Variants in ALPK1 observed in about 807,000 individuals in gnomAD.
The protein encoded by ALPK1 is alpha kinase 1, also known as alpha-protein kinase 1.
In ALPK1, 110 loss-of-function variants were observed where a neutral mutation model predicts 120.6. That is an observed-to-expected ratio of 0.91 (90% CI 0.78 to 1.07). The LOEUF is 1.07. ALPK1 is among the 50% of genes least tolerant of loss of function. The pLI is 0.00. For missense variants in ALPK1, 1,498 were observed against 1,483.9 expected (o/e 1.01, Z -0.16); for synonymous variants, 582 against 560.3 (o/e 1.04, Z -0.55).
rs1734613342 is a variant in ALPK1 at position 112,432,497 on chromosome 4, T to C, written c.2950T>C (p.Leu984=). 1 of 1,614,044 alleles carries C rather than the reference T, an allele frequency of 6.2e-7. No individual in the cohort carries two copies. Among genetic ancestry groups the C allele is most frequent in the Admixed American group, 1.7e-5 (1 of 60,000 alleles). The change falls in exon 11 of 16, where the codon TTG becomes CTG. Residue 984 remains leucine (L), a synonymous_variant. Coordinates refer to ENST00000650871, the MANE Select transcript of ALPK1 (RefSeq NM_025144.4). ...GCAACCTGATGACTTTGAAAAGCTG[T>C]TGGCAGGAGTGAGGCATGATTGGCT... ...TLQPDDFEKL[L]AGVRHDWLFQ...
intron 2 of ALPK1, among the ~76,000 whole-genome samples, chr4:112,377,225 A>G (rs1010386853): frequency 6.6e-6 from 1 of 152,156 alleles, no homozygotes; most frequent in East Asian, 1.9e-4. Context: ...TATCATGCTA[A>G]ATATTATGAA....
chr4:112,438,405 C>T (rs527461889), intron 12 of ALPK1, 79 bp from the exon 13 acceptor site: 1 of 1,354,244 alleles, frequency 7.4e-7, no homozygotes, highest in African/African-American at 1.5e-5. Context: ...CTGCATATGT[C>T]TTTTGATCTC....
intron 2 of ALPK1, among the ~76,000 whole-genome samples, chr4:112,329,828 G>T (rs1465789254): frequency 1.3e-5 from 2 of 152,294 alleles, no homozygotes; most frequent in East Asian, 3.9e-4. Context: ...GGTGGGAGGG[G>T]TATAGGCCTG....
intron 4 of ALPK1, 170 bp downstream of exon 4, chr4:112,382,722 T>C: frequency 1.1e-6 from 1 of 945,988 alleles, no homozygotes; most frequent in South Asian, 1.7e-5. Context: ...AAAACATTAC[T>C]TGCCCATAAG....
chr4:112,376,684 A>C (rs376644643), intron 2 of ALPK1, among the ~76,000 whole-genome samples: 46 of 152,344 alleles, frequency 3.0e-4, no homozygotes, highest in African/African-American at 1.1e-3. Context: ...TGGTTACTTC[A>C]TTGCATGCAT....
intron 2 of ALPK1, among the ~76,000 whole-genome samples, chr4:112,366,002 A>G (rs2148719796): frequency 6.6e-6 from 1 of 152,370 alleles, no homozygotes; most frequent in East Asian, 1.9e-4. Flanking sequence ...TTGGCAAGCC[A>G]TATGTAGAAG....
rs114991598 is a variant in ALPK1, at chr4:112,408,276, G to A, written c.277-3551G>A. ...CTTTCTAAGCAAAAGTAGAAGGAAG[G>A]CTGTCAGTGGCAGAAACTTCAAGTA... On this transcript the variant is annotated intron_variant, in intron 4 of 15. Transcript: ENST00000650871. 6.7e-3 allele frequency among the ~76,000 whole-genome samples: 1,017 copies of A among 152,270 alleles called. 13 individuals carry two copies. The highest frequency in any genetic ancestry group is 0.023 in the African/African-American group (973 of 41,556).
chr4:112,347,442 A>C (rs1200469711), intron 2 of ALPK1, among the ~76,000 whole-genome samples: 1 of 152,218 alleles, frequency 6.6e-6, no homozygotes, highest in Admixed American at 6.5e-5. Context: ...AACCCGATTC[A>C]ATTTTCTTTG....
chr4:112,363,101 A>G (rs1352050857), intron 2 of ALPK1, among the ~76,000 whole-genome samples: 2 of 152,232 alleles, frequency 1.3e-5, no homozygotes, highest in Non-Finnish European at 2.9e-5. Context: ...AAATCTTGAA[A>G]CAAATCATTG....
intron 12 of ALPK1, among the ~76,000 whole-genome samples, chr4:112,437,714 A>G (rs1196794652): frequency 6.6e-6 from 1 of 152,150 alleles, no homozygotes; most frequent in Non-Finnish European, 1.5e-5. Flanking sequence ...GGCCAAAACC[A>G]CAGCCTCCTT....
chr4:112,428,609 T>G (rs1270809190), intron 9 of ALPK1, among the ~76,000 whole-genome samples: 1 of 152,160 alleles, frequency 6.6e-6, no homozygotes, highest in Non-Finnish European at 1.5e-5. Context: ...CCCTTCTCCA[T>G]TTATTGTCTC....
At chr4:112,309,897 C>A (rs892250326) in intron 1 of ALPK1, among the ~76,000 whole-genome samples, 1 of 152,068 alleles carries the variant, frequency 6.6e-6, no homozygotes, top group Non-Finnish European at 1.5e-5. Context: ...AAGTCAGTGG[C>A]CACTTTGTCC....
intron 2 of ALPK1, among the ~76,000 whole-genome samples, 153 bp from the exon 3 acceptor site, chr4:112,377,525 G>A (rs1028599918): frequency 6.6e-6 from 1 of 152,138 alleles, no homozygotes; most frequent in South Asian, 2.1e-4. Flanking sequence ...CATCTAGCCA[G>A]GCCCTGCAGT....
chr4:112,438,666 A>G lies in ALPK1; in HGVS notation c.3351+20A>G, dbSNP rs770437580. ...CTACTGGTAAGATTATCCTGAACACATCATTTGGATCTTCCAAATCACACT... is the reference window on the plus strand; with the variant it reads ...CTACTGGTAAGATTATCCTGAACACGTCATTTGGATCTTCCAAATCACACT... On this transcript the variant is annotated intron_variant, in intron 13 of 15. Coordinates refer to ENST00000650871, the MANE Select transcript of ALPK1 (RefSeq NM_025144.4). 2 of 1,603,828 alleles carry G rather than the reference A, an allele frequency of 1.2e-6. No homozygotes were observed. Among genetic ancestry groups the G allele is most frequent in the Non-Finnish European group, 8.5e-7 (1 of 1,173,306 alleles).
At chr4:112,325,003 C>T (rs967410097) in intron 2 of ALPK1, among the ~76,000 whole-genome samples, 20 of 151,086 alleles carry the variant, frequency 1.3e-4, no homozygotes, top group Non-Finnish European at 2.5e-4. Context: ...GAGTGAATCC[C>T]TTGAGGGAAT....
chr4:112,369,617 G>A (rs1487175294), intron 2 of ALPK1, among the ~76,000 whole-genome samples: 1 of 152,098 alleles, frequency 6.6e-6, no homozygotes, highest in East Asian at 1.9e-4. Context: ...AGGAGGCAGA[G>A]GGTTGCAGTG....
At chr4:112,348,167 G>C (rs1730179177) in intron 2 of ALPK1, among the ~76,000 whole-genome samples, 2 of 152,214 alleles carry the variant, frequency 1.3e-5, no homozygotes, top group African/African-American at 4.8e-5. Flanking sequence ...CTTACAGAAA[G>C]TGTAGAATCC....
rs1259157918 is a variant in ALPK1 at position 112,377,835 on chromosome 4, C to T, written c.58C>T (p.Gln20Ter). 6.2e-7 allele frequency: 1 copy of T among 1,613,652 alleles called. No individual in the cohort carries two copies. The highest frequency in any genetic ancestry group is 1.1e-5 in the South Asian group (1 of 91,008). ...GCAAGAGTGCAAGCAAGTGCTGGAT[C>T]AGCTCTTGTTGGAAGCGCCAGATGT... ...LLQECKQVLD[Q>*]LLLEAPDVSE... The change falls in exon 3 of 16, where the codon CAG becomes TAG. Residue 20 changes from glutamine to a stop codon, truncating the protein, a stop_gained. Coordinates refer to ENST00000650871, the MANE Select transcript of ALPK1 (RefSeq NM_025144.4). LOFTEE classifies it high-confidence loss of function.
intron 1 of ALPK1, among the ~76,000 whole-genome samples, chr4:112,306,984 A>G (rs1201590774): frequency 2.6e-5 from 4 of 152,118 alleles, no homozygotes; most frequent in Admixed American, 2.0e-4. Context: ...GAACATCTTT[A>G]TATCTGCCTT....
Sources: gnomAD v4.1 joint callset for allele counts (sites outside exome capture counted in the v4.1 genomes callset) on GRCh38, gnomAD v4.1.1 for gene constraint, MANE v1.5 for transcripts, NCBI Gene and HGNC (gene_info 2026-07-23, HGNC 2026-07-21) for gene names.